The following MAP1LC3A variants were observed in gnomAD, a reference collection of about 807,000 sequenced individuals.
The protein encoded by MAP1LC3A is microtubule associated protein 1 light chain 3 alpha, also known as microtubule-associated protein 1 light chain 3 alpha.
MAP1LC3A carries 10 observed loss-of-function variants against 15.2 expected under a neutral mutation model. That is an observed-to-expected ratio of 0.66 (90% CI 0.41 to 1.12). The LOEUF is 1.12. MAP1LC3A is among the 50% of genes most tolerant of loss of function. The pLI is 0.00. For missense variants in MAP1LC3A, 138 were observed against 167.3 expected, an observed-to-expected ratio of 0.82 and a Z score of 0.97; for synonymous variants, 63 against 64.3, an observed-to-expected ratio of 0.98 and a Z score of 0.10.
chr20:34,558,418 G>A, upstream of MAP1LC3A: 1 of 992,316 alleles, frequency 1.0e-6, no homozygotes, highest in African/African-American at 1.7e-5. This position sits in a 1 kb window ranked among gnomAD's most constrained non-coding sequence, Gnocchi z 4.3. Flanking sequence ...ACACAGACTC[G>A]GTGAGGGCGG....
rs755865335 is a variant in MAP1LC3A, at chr20:34,559,399, C to G, written c.149C>G (p.Thr50Ser). ...AAGCAGCTGCCCGTCCTGGACAAGACCAAGTTTTTGGTCCCGGACCATGTC... is the reference window on the plus strand; with the variant it reads ...AAGCAGCTGCCCGTCCTGGACAAGAGCAAGTTTTTGGTCCCGGACCATGTC... The part of the protein sequence containing the change: ...GEKQLPVLDK[T>S]KFLVPDHVNM... The change falls in exon 3 of 4, where the codon ACC (threonine) becomes AGC (serine). Residue 50 changes from threonine (T) to serine (S), a missense_variant. By Grantham distance (58) the Thr-to-Ser change is moderately conservative. Transcript: ENST00000360668. The G allele has an allele frequency of 5.0e-5, 81 of 1,604,204 alleles. No homozygotes were observed. The Admixed American group carries it at 1.4e-3, about 27-fold the overall frequency.
At position 34,558,854 on chromosome 20, in the gene MAP1LC3A, A is replaced by C. The variant is rs1419255345; in HGVS notation, c.-15A>C. On this transcript the variant is annotated 5_prime_UTR_variant, in exon 1 of 4. Coordinates refer to ENST00000360668, the MANE Select transcript of MAP1LC3A (RefSeq NM_032514.4). This position sits in a 1 kb window ranked among gnomAD's most constrained non-coding sequence, Gnocchi z 4.3. Reference sequence around the variant, plus strand: ...CCCCAGAGCCCCGGCCTGCGCGCCCAGCCGGGCCCGCGCGATGCCCTCAGA... The same window carrying C: ...CCCCAGAGCCCCGGCCTGCGCGCCCCGCCGGGCCCGCGCGATGCCCTCAGA... 14 of 1,435,354 alleles carry C rather than the reference A, an allele frequency of 9.8e-6. No homozygotes were observed. The highest frequency in any genetic ancestry group is 1.3e-5 in the Non-Finnish European group (14 of 1,100,640). 88.9% of individuals were successfully genotyped at this position (1,435,354 alleles called of 1,614,324 possible).
upstream of MAP1LC3A, chr20:34,558,652 T>C: frequency 8.1e-7 from 1 of 1,230,498 alleles, no homozygotes; most frequent in Non-Finnish European, 1.0e-6. This position sits in a 1 kb window ranked among gnomAD's most constrained non-coding sequence, Gnocchi z 4.3. Context: ...GGGCGGGTTG[T>C]GCGTCGGCCC....
At chr20:34,549,349 A>C (rs1400275034) in intron 1 of MAP1LC3A, among the ~76,000 whole-genome samples, 1 of 152,178 alleles carries the variant, frequency 6.6e-6, no homozygotes, top group Non-Finnish European at 1.5e-5. Context: ...TGTAAACGGG[A>C]ACTGCCAATC....
Position 34,560,007 on chromosome 20 carries a change from G to A in MAP1LC3A, c.*109G>A. The A allele has an allele frequency of 8.3e-7, 1 of 1,209,786 alleles. No homozygotes were observed. The allele number at this position is 1,209,786 out of a possible 1,614,324, so 74.9% of individuals were successfully genotyped here. The stretch of plus-strand genomic sequence containing the variant: ...TGCCTCTACCGTGGTGGGCTGGGCA[G>A]GCATGTGCCCCCCTAGTCAGAGGGC... On this transcript the variant is annotated 3_prime_UTR_variant, in exon 4 of 4. Transcript: ENST00000360668.
At chr20:34,558,395 C>T (rs1304311467), upstream of MAP1LC3A, 1 of 989,464 alleles carries the variant, frequency 1.0e-6, no homozygotes, top group Non-Finnish European at 1.2e-6. The surrounding 1 kb of genome is among the most constrained non-coding windows in gnomAD (Gnocchi z 4.3). Flanking sequence ...CGCCCAGAAC[C>T]GCGTCAGTCC....
At chr20:34,547,392 T>G (rs2146666960) in intron 1 of MAP1LC3A, among the ~76,000 whole-genome samples, 1 of 151,678 alleles carries the variant, frequency 6.6e-6, no homozygotes, top group Admixed American at 6.6e-5. Flanking sequence ...AATTAAAATT[T>G]TTTTCTTCCC....
At chr20:34,550,590 C>T (rs1437446149) in intron 2 of MAP1LC3A, among the ~76,000 whole-genome samples, 1 of 152,168 alleles carries the variant, frequency 6.6e-6, no homozygotes, top group Non-Finnish European at 1.5e-5. Context: ...TGAGATACCA[C>T]TACACACCCG....
At chr20:34,550,374 T>C (rs1981904454) in intron 2 of MAP1LC3A, among the ~76,000 whole-genome samples, 1 of 152,054 alleles carries the variant, frequency 6.6e-6, no homozygotes, top group Admixed American at 6.5e-5. Flanking sequence ...ATAGACCTTC[T>C]AGATGGCAAA....
chr20:34,554,520 T>G (rs1489145842), upstream of MAP1LC3A, among the ~76,000 whole-genome samples: 1 of 150,748 alleles, frequency 6.6e-6, no homozygotes, highest in Non-Finnish European at 1.5e-5. Context: ...ACTACAGGCA[T>G]GCACCACCAC....
chr20:34,559,655 TG>T, intron 3 of MAP1LC3A, 80 bp from the exon 4 acceptor site: 1 of 1,455,232 alleles, frequency 6.9e-7, no homozygotes, highest in Non-Finnish European at 9.4e-7. Context: ...TGTGAAAGGC[TG>T]GGAATCATTC....
chr20:34,559,794 A>G lies in MAP1LC3A; in HGVS notation c.262A>G (p.Met88Val), dbSNP rs761907291. ...AFFLLVNQHS[M>V]VSVSTPIADI... ...CTTCCTGCTGGTGAACCAGCACAGC[A>G]TGGTGAGTGTGTCCACGCCCATCGC... Residue 88 changes from methionine (M) to valine (V), a missense_variant, in exon 4 of 4, where the codon ATG becomes GTG. Physicochemically the swap from Met to Val is conservative, Grantham distance 21. Transcript: ENST00000360668. 4.3e-6 allele frequency: 7 copies of G among 1,613,546 alleles called. No homozygotes were observed. The highest frequency in any genetic ancestry group is 5.9e-6 in the Non-Finnish European group (7 of 1,179,856).
chr20:34,553,061 TGCCTGTAATCCCA>T (rs1422847765), intron 2 of MAP1LC3A, among the ~76,000 whole-genome samples: 1 of 151,984 alleles, frequency 6.6e-6, no homozygotes, highest in African/African-American at 2.4e-5. Flanking sequence ...TGGTGACGGG[TGCCTGTAATCCCA>T]GCCACTCGGG....
At chr20:34,557,198 T>C (rs936207209), upstream of MAP1LC3A, among the ~76,000 whole-genome samples, 1 of 152,228 alleles carries the variant, frequency 6.6e-6, no homozygotes, top group Non-Finnish European at 1.5e-5. Flanking sequence ...TTTTAAGAGG[T>C]GAATGTAAAC....
At position 34,559,917 on chromosome 20, in the gene MAP1LC3A, C is replaced by A; in HGVS notation, c.*19C>A. ...CTTCTGAGCCAGCAGTAGGGGGGCT[C>A]GGCCTGGGAGTCGGGCGGCCCCGGT... On this transcript the variant is annotated 3_prime_UTR_variant, in exon 4 of 4. Transcript: ENST00000360668. 2 of 1,603,242 alleles carry A rather than the reference C, an allele frequency of 1.2e-6. No homozygotes were observed. Among genetic ancestry groups the A allele is most frequent in the Middle Eastern group, 1.8e-4 (1 of 5,666 alleles).
chr20:34,551,350 C>T (rs6120676), intron 2 of MAP1LC3A, among the ~76,000 whole-genome samples: 1 of 151,726 alleles, frequency 6.6e-6, no homozygotes, highest in African/African-American at 2.4e-5. Flanking sequence ...ATGATTCCAT[C>T]TAGAAGAATT....
chr20:34,548,870 T>G (rs1981841566), intron 1 of MAP1LC3A, among the ~76,000 whole-genome samples: 1 of 151,538 alleles, frequency 6.6e-6, no homozygotes, highest in Admixed American at 6.6e-5. Context: ...CATGCCCAGC[T>G]AATTTTTGTG....
At chr20:34,558,702 G>A, upstream of MAP1LC3A, 1 of 1,279,170 alleles carries the variant, frequency 7.8e-7, no homozygotes, top group Non-Finnish European at 9.9e-7. The surrounding 1 kb of genome is among the most constrained non-coding windows in gnomAD (Gnocchi z 4.3). Flanking sequence ...AAGGAATGTT[G>A]TGACCTGACG....
intron 2 of MAP1LC3A, among the ~76,000 whole-genome samples, chr20:34,551,447 C>T (rs1292803894): frequency 1.3e-5 from 2 of 150,184 alleles, no homozygotes; most frequent in African/African-American, 4.9e-5. Context: ...CCCAAGGAAC[C>T]TTCCAAGGGG....
Sources: gnomAD v4.1 joint callset for allele counts (sites outside exome capture counted in the v4.1 genomes callset) on GRCh38, gnomAD v4.1.1 for gene constraint, Gnocchi (gnomAD v3.1) non-coding constraint, MANE v1.5 for transcripts, NCBI Gene and HGNC (gene_info 2026-07-23, HGNC 2026-07-21) for gene names.